PROS1: variants seen among roughly 807,000 people sequenced by gnomAD.
PROS1 encodes the protein vitamin K-dependent protein S.
PROS1 carries 29 observed loss-of-function variants against 75.9 expected under a neutral mutation model. The ratio of observed to expected loss-of-function variants is 0.38; its 90% CI spans 0.28 to 0.52. PROS1 has a LOEUF of 0.52. Ranked by LOEUF, PROS1 falls within the 20% of genes least tolerant of loss-of-function variation. The probability of loss-of-function intolerance (pLI) is 0.83; values close to 1 mark genes in which losing one functional copy is unlikely to be tolerated. For synonymous variants in PROS1, 245 were observed against 280.6 expected (o/e 0.87, Z 1.27); for missense variants, 680 against 810.3 (o/e 0.84, Z 1.95).
rs1218450153 is a variant in PROS1, at chr3:93,873,770, T to C, written c.*475A>G. On this transcript the variant is annotated 3_prime_UTR_variant, in exon 15 of 15. Coordinates refer to ENST00000394236, the MANE Select transcript of PROS1 (RefSeq NM_000313.4). ...TGAAATAAGGCATTAGGACCCTCCA[T>C]TCAATTCATATTTAATAGACCACCA... 3 of 172,818 alleles carry C rather than the reference T, an allele frequency of 1.7e-5. No individual in the cohort carries two copies. Among genetic ancestry groups the C allele is most frequent in the East Asian group, 1.6e-4 (1 of 6,084 alleles). 10.7% of individuals were successfully genotyped at this position (172,818 alleles called of 1,614,324 possible). A position where few individuals can be genotyped will look rare whatever the true frequency, so the allele number is the denominator to read the frequency against.
In PROS1 at chr3:93,957,815, T is replaced by C. The variant is rs8178594; in HGVS notation, c.76+15859A>G. ...AATACCTAAGACTGGGCAATTTATT[T>C]TAAAAAGAGGCTTAATTGGCTCACA... On this transcript the variant is annotated intron_variant, in intron 1 of 14. Coordinates refer to ENST00000394236, the MANE Select transcript of PROS1 (RefSeq NM_000313.4). 3.1e-3 allele frequency among the ~76,000 whole-genome samples: 473 copies of C among 152,230 alleles called. 3 individuals are homozygous for C. The highest frequency in any genetic ancestry group is 0.011 in the African/African-American group (458 of 41,546).
intron 1 of PROS1, among the ~76,000 whole-genome samples, chr3:93,946,792 C>A (rs1021203645): frequency 8.5e-6 from 1 of 118,242 alleles, no homozygotes; most frequent in African/African-American, 3.3e-5. Context: ...CAACAAAAGC[C>A]AAAATTGACA....
chr3:93,966,504 T>G (rs148659357), intron 1 of PROS1, among the ~76,000 whole-genome samples: 8 of 152,274 alleles, frequency 5.3e-5, no homozygotes, highest in African/African-American at 1.9e-4. Flanking sequence ...ATTCTAAGTG[T>G]CCAGTAGGCA....
chr3:93,932,118 T>C (rs1375267637), intron 1 of PROS1, among the ~76,000 whole-genome samples: 1 of 152,218 alleles, frequency 6.6e-6, no homozygotes, highest in Non-Finnish European at 1.5e-5. Flanking sequence ...TGCCCAAAAA[T>C]ATTCACCCTG....
intron 1 of PROS1, among the ~76,000 whole-genome samples, chr3:93,971,346 A>T (rs946543729): frequency 1.4e-5 from 2 of 141,660 alleles, no homozygotes; most frequent in African/African-American, 5.5e-5. Context: ...ACAGAGCAAG[A>T]CTCCATCTCT....
intron 3 of PROS1, among the ~76,000 whole-genome samples, chr3:93,913,182 T>C (rs8178620): frequency 0.01 from 1,529 of 152,288 alleles, 32 homozygotes; most frequent in African/African-American, 0.034. Context: ...GGTAGTTCCT[T>C]CTGCATTCGT....
chr3:93,944,312 A>G (rs1709343553), intron 1 of PROS1, among the ~76,000 whole-genome samples: 1 of 152,226 alleles, frequency 6.6e-6, no homozygotes, highest in African/African-American at 2.4e-5. Flanking sequence ...AACAGCTATT[A>G]GTAACATGAA....
intron 10 of PROS1, among the ~76,000 whole-genome samples, chr3:93,886,896 AG>A (rs1489029568): frequency 6.6e-6 from 1 of 151,198 alleles, no homozygotes; most frequent in Non-Finnish European, 1.5e-5. Flanking sequence ...TGGAATCAAT[AG>A]TGTAAATAAG....
intron 1 of PROS1, among the ~76,000 whole-genome samples, chr3:93,956,147 TC>T (rs1444355077): frequency 6.6e-6 from 1 of 152,174 alleles, no homozygotes; most frequent in Non-Finnish European, 1.5e-5. Flanking sequence ...TTCAAAGGTA[TC>T]TACAAATATA....
chr3:93,911,814 C>G (rs1325773164), intron 3 of PROS1, among the ~76,000 whole-genome samples: 1 of 152,122 alleles, frequency 6.6e-6, no homozygotes, highest in African/African-American at 2.4e-5. Context: ...CTATCATATT[C>G]TGTTGATCAA....
At chr3:93,942,244 A>G (rs1462728091) in intron 1 of PROS1, among the ~76,000 whole-genome samples, 3 of 152,044 alleles carry the variant, frequency 2.0e-5, no homozygotes, top group African/African-American at 7.3e-5. Context: ...TCATTGCCTT[A>G]ACTAGAGCCC....
intron 6 of PROS1, among the ~76,000 whole-genome samples, chr3:93,905,437 C>CA (rs1388500391): frequency 6.6e-6 from 1 of 152,064 alleles, no homozygotes; most frequent in African/African-American, 2.4e-5. Flanking sequence ...CCCATCTCTA[C>CA]AAAAAATACA....
chr3:93,899,506 A>C (rs993914234), intron 7 of PROS1, among the ~76,000 whole-genome samples: 36 of 152,318 alleles, frequency 2.4e-4, no homozygotes, highest in African/African-American at 8.4e-4. Flanking sequence ...TCATTAAATA[A>C]AACTACAATA....
intron 1 of PROS1, among the ~76,000 whole-genome samples, chr3:93,962,561 T>C (rs553908000): frequency 6.6e-6 from 1 of 152,338 alleles, no homozygotes; most frequent in Middle Eastern, 3.4e-3. Flanking sequence ...TTAGTGATTA[T>C]TAGATAGTGG....
chr3:93,940,020 C>T (rs1043196473), intron 1 of PROS1, among the ~76,000 whole-genome samples: 13 of 152,260 alleles, frequency 8.5e-5, no homozygotes, highest in Non-Finnish European at 1.2e-4. Context: ...CTTCAAAACG[C>T]CTAAGCCACA....
At chr3:93,956,563 A>ACAAACAC (rs57080075) in intron 1 of PROS1, among the ~76,000 whole-genome samples, 26 of 128,380 alleles carry the variant, frequency 2.0e-4, no homozygotes, top group South Asian at 1.0e-3. Context: ...CACACACACA[A>ACAAACAC]ACACACACAC....
intron 1 of PROS1, among the ~76,000 whole-genome samples, chr3:93,971,957 T>C (rs1212040665): frequency 1.3e-5 from 2 of 152,196 alleles, no homozygotes; most frequent in African/African-American, 4.8e-5. Context: ...GGGCCAACTA[T>C]TCTTTATGTG....
intron 1 of PROS1, among the ~76,000 whole-genome samples, chr3:93,944,739 T>A (rs909190133): frequency 4.6e-5 from 7 of 151,758 alleles, no homozygotes; most frequent in Non-Finnish European, 1.0e-4. Context: ...ACATCACAAT[T>A]AAAAGAACTA....
intron 7 of PROS1, 24 bp from the exon 8 acceptor site, chr3:93,898,593 C>T (rs1294179781): frequency 1.2e-6 from 2 of 1,610,524 alleles, no homozygotes; most frequent in African/African-American, 2.7e-5. Context: ...AACACACGCA[C>T]ACAAACTTTA....
Sources: allele counts gnomAD v4.1 joint callset (sites outside exome capture counted in the v4.1 genomes callset), GRCh38; gene constraint gnomAD v4.1.1; transcripts MANE v1.5; gene names NCBI Gene and HGNC (gene_info 2026-07-23, HGNC 2026-07-21).